Variants in SNTG1 observed in about 807,000 individuals in gnomAD.
The protein encoded by SNTG1 is gamma-1-syntrophin.
SNTG1 carries 39 observed loss-of-function variants against 74.7 expected under a neutral mutation model. That is an observed-to-expected ratio of 0.52 (90% CI 0.40 to 0.68). SNTG1 has a LOEUF of 0.68. Among genes scored for constraint, SNTG1 ranks in the 30% least tolerant of loss-of-function variants. The pLI, the probability that SNTG1 is intolerant of heterozygous loss-of-function variation, is 0.00. For synonymous variants in SNTG1, 254 were observed against 217.1 expected (o/e 1.17, Z -1.49); for missense variants, 685 against 609.5 (o/e 1.12, Z -1.30).
intron 1 of SNTG1, among the ~76,000 whole-genome samples, chr8:49,956,217 A>G (rs1810146199): frequency 6.6e-6 from 1 of 152,234 alleles, no homozygotes; most frequent in Non-Finnish European, 1.5e-5. Context: ...CAAAGACATA[A>G]TTTAAGCATT....
chr8:50,144,198 C>A (rs565120031), intron 1 of SNTG1, among the ~76,000 whole-genome samples: 1 of 152,164 alleles, frequency 6.6e-6, no homozygotes, highest in African/African-American at 2.4e-5. Flanking sequence ...TATACGAAAC[C>A]ATCTTAATGA....
At chr8:50,769,219 A>C (rs184201480) in intron 18 of SNTG1, among the ~76,000 whole-genome samples, 1 of 152,072 alleles carries the variant, frequency 6.6e-6, no homozygotes, top group African/African-American at 2.4e-5. Flanking sequence ...AACATCTTAT[A>C]GATAAAACAA....
At chr8:49,984,838 A>G (rs1813011309) in intron 1 of SNTG1, among the ~76,000 whole-genome samples, 1 of 152,168 alleles carries the variant, frequency 6.6e-6, no homozygotes, top group Non-Finnish European at 1.5e-5. Flanking sequence ...AGCATTAAAA[A>G]TGTTTGGCTG....
intron 1 of SNTG1, among the ~76,000 whole-genome samples, chr8:50,142,074 G>T (rs1201981117): frequency 6.6e-6 from 1 of 151,856 alleles, no homozygotes; most frequent in Non-Finnish European, 1.5e-5. Flanking sequence ...ATTTCTTTCT[G>T]GGTCACTATA....
At chr8:50,747,420 A>C (rs1280986971) in intron 17 of SNTG1, among the ~76,000 whole-genome samples, 1 of 120,866 alleles carries the variant, frequency 8.3e-6, no homozygotes, top group East Asian at 2.2e-4. Context: ...AATCTAGCTT[A>C]AGTACTACAA....
chr8:50,587,105 T>C (rs1301212925), intron 12 of SNTG1, among the ~76,000 whole-genome samples: 1 of 151,738 alleles, frequency 6.6e-6, no homozygotes, highest in Admixed American at 6.6e-5. Flanking sequence ...TTTGTAAGAC[T>C]GGATGTATGC....
At position 50,402,782 on chromosome 8, in the gene SNTG1, G is replaced by A. The variant is rs114035846; in HGVS notation, c.162+438G>A. ...TTAGGCAGCGGTCACTGAACTCAGCGTGAGTGGTGTTCCCCTAGGATAGTG... is the reference window on the plus strand; with the variant it reads ...TTAGGCAGCGGTCACTGAACTCAGCATGAGTGGTGTTCCCCTAGGATAGTG... On this transcript the variant is annotated intron_variant, in intron 4 of 18. Coordinates refer to ENST00000642720, the MANE Select transcript of SNTG1 (RefSeq NM_018967.5). Among the ~76,000 whole-genome samples, 1,381 of 152,270 alleles carry A rather than the reference G, an allele frequency of 9.1e-3. 27 individuals are homozygous for A. The highest frequency in any genetic ancestry group is 0.031 in the African/African-American group (1,307 of 41,550).
intron 15 of SNTG1, among the ~76,000 whole-genome samples, chr8:50,695,985 T>C (rs1254902135): frequency 6.6e-6 from 1 of 152,022 alleles, no homozygotes; most frequent in Non-Finnish European, 1.5e-5. Flanking sequence ...ATATACCCAG[T>C]AGTGGAATTG....
rs548484326 is a variant in SNTG1 at position 50,466,930 on chromosome 8, G to A, written c.363+16201G>A. ...TTAGTTCTAAGAGGTGTCGTGTTTTGTTTTGGTTTTGCTTCTGGTAGATTT... is the reference window on the plus strand; with the variant it reads ...TTAGTTCTAAGAGGTGTCGTGTTTTATTTTGGTTTTGCTTCTGGTAGATTT... On this transcript the variant is annotated intron_variant, in intron 8 of 18. Transcript: ENST00000642720. Among the ~76,000 whole-genome samples the A allele has an allele frequency of 1.1e-3, 163 of 151,940 alleles. 1 individual carries two copies. Among genetic ancestry groups the A allele is most frequent in the Non-Finnish European group, 1.7e-3 (115 of 67,800 alleles).
At chr8:50,723,091 A>T (rs2095491685) in intron 17 of SNTG1, among the ~76,000 whole-genome samples, 1 of 152,132 alleles carries the variant, frequency 6.6e-6, no homozygotes, top group Non-Finnish European at 1.5e-5. Flanking sequence ...TATCGTGCTA[A>T]TGAAGCTCAC....
chr8:50,410,534 T>G (rs1478179234), intron 4 of SNTG1, among the ~76,000 whole-genome samples: 2 of 152,224 alleles, frequency 1.3e-5, no homozygotes, highest in African/African-American at 4.8e-5. Flanking sequence ...TTGATAGATA[T>G]ATATACATAC....
intron 13 of SNTG1, among the ~76,000 whole-genome samples, chr8:50,651,013 T>C (rs1308755183): frequency 6.6e-6 from 1 of 152,192 alleles, no homozygotes; most frequent in Non-Finnish European, 1.5e-5. Context: ...TCATTTAAAT[T>C]TTAAAAGTAA....
intron 15 of SNTG1, among the ~76,000 whole-genome samples, chr8:50,669,282 G>C (rs191639299): frequency 9.9e-4 from 150 of 151,708 alleles, no homozygotes; most frequent in South Asian, 1.7e-3. Flanking sequence ...CAACAAAATT[G>C]ATAGACCACT....
At chr8:50,091,445 T>A (rs1194193855) in intron 1 of SNTG1, among the ~76,000 whole-genome samples, 1 of 152,112 alleles carries the variant, frequency 6.6e-6, no homozygotes, top group Non-Finnish European at 1.5e-5. Context: ...CTTCTCATGA[T>A]CTGCAACTCC....
chr8:50,208,191 G>A (rs1362995932), intron 2 of SNTG1, among the ~76,000 whole-genome samples: 1 of 152,118 alleles, frequency 6.6e-6, no homozygotes, highest in East Asian at 1.9e-4. Flanking sequence ...TTATTATTGA[G>A]TGGGAGTCTA....
intron 13 of SNTG1, among the ~76,000 whole-genome samples, chr8:50,652,975 T>A (rs1318151676): frequency 6.6e-6 from 1 of 151,994 alleles, no homozygotes; most frequent in Non-Finnish European, 1.5e-5. Flanking sequence ...AATACCAGTA[T>A]TGCTAAATCA....
intron 2 of SNTG1, among the ~76,000 whole-genome samples, chr8:50,182,253 T>A (rs894399431): frequency 1.3e-5 from 2 of 152,186 alleles, no homozygotes; most frequent in Admixed American, 1.3e-4. Flanking sequence ...AAAATGAGAA[T>A]GCACCATTCA....
intron 13 of SNTG1, among the ~76,000 whole-genome samples, 196 bp from the exon 14 acceptor site, chr8:50,656,713 T>A (rs2095183905): frequency 6.6e-6 from 1 of 152,098 alleles, no homozygotes; most frequent in South Asian, 2.1e-4. Flanking sequence ...TTATGAGAGG[T>A]TTACATTCAT....
chr8:50,696,529 C>A (rs1166593637), intron 15 of SNTG1, among the ~76,000 whole-genome samples: 1 of 151,988 alleles, frequency 6.6e-6, no homozygotes, highest in East Asian at 1.9e-4. Flanking sequence ...AGGCCAATGT[C>A]CAGAAGACAT....
Sources: allele counts gnomAD v4.1 joint callset (sites outside exome capture counted in the v4.1 genomes callset), GRCh38; gene constraint gnomAD v4.1.1; transcripts MANE v1.5; gene names NCBI Gene and HGNC (gene_info 2026-07-23, HGNC 2026-07-21).